The following PRR16 variants were observed in gnomAD, a reference collection of about 807,000 sequenced individuals.
The protein encoded by PRR16 is proline rich 16.
A neutral mutation model predicts 18.2 loss-of-function variants in PRR16; 6 were observed. The observed-to-expected ratio is 0.33, with a 90% CI of 0.18 to 0.65. The LOEUF (loss-of-function observed/expected upper bound fraction) is 0.65, where lower values mean the gene tolerates loss of function less well. PRR16 is among the 30% of genes least tolerant of loss of function. The pLI, the probability that PRR16 is intolerant of heterozygous loss-of-function variation, is 0.74. For missense variants in PRR16, 412 were observed against 376.6 expected, an observed-to-expected ratio of 1.09 and a Z score of -0.78; for synonymous variants, 151 against 147.8, an observed-to-expected ratio of 1.02 and a Z score of -0.16.
At chr5:120,775,796 A>ATTTTTT in the PRR16 span, among the ~76,000 whole-genome samples, 130 of 80,550 alleles carry the variant, frequency 1.6e-3, no homozygotes, top group African/African-American at 4.2e-3. Context: ...ACGCCTGGCT[A>ATTTTTT]TTTTTTTTTT....
At chr5:120,548,470 G>A (rs1279754678) in intron 1 of PRR16, among the ~76,000 whole-genome samples, 1 of 151,962 alleles carries the variant, frequency 6.6e-6, no homozygotes, top group Non-Finnish European at 1.5e-5. Flanking sequence ...TTTCACTACT[G>A]GCTAAGCGTA....
Position 120,613,082 on chromosome 5 carries a change from A to G in PRR16, c.160-72872A>G, listed in dbSNP as rs189015562. Among the ~76,000 whole-genome samples the G allele has an allele frequency of 8.9e-4, 136 of 152,372 alleles. 1 individual carries two copies. The highest frequency in any genetic ancestry group is 3.2e-3 in the African/African-American group (133 of 41,594). On this transcript the variant is annotated intron_variant, in intron 1 of 1. Coordinates refer to ENST00000407149, the MANE Select transcript of PRR16 (RefSeq NM_001300783.2). ...ATTATGAGCAAAGCATACAGTTGGC[A>G]GTTCAGCAGAAATTGAAAAAACTTA... is the stretch of plus-strand genomic sequence containing the variant.
chr5:120,767,298 C>G, the PRR16 span, among the ~76,000 whole-genome samples: 1 of 152,052 alleles, frequency 6.6e-6, no homozygotes, highest in South Asian at 2.1e-4. Context: ...CTTAGTGATG[C>G]CTCAGGGCAC....
In PRR16 at chr5:120,486,238, G is replaced by A. The variant is rs1025810019; in HGVS notation, c.159+21593G>A. Among the ~76,000 whole-genome samples, 17 of 152,170 alleles carry A rather than the reference G, an allele frequency of 1.1e-4. 1 individual carries two copies. Among genetic ancestry groups the A allele is most frequent in the Admixed American group, 2.0e-4 (3 of 15,266 alleles). On this transcript the variant is annotated intron_variant, in intron 1 of 1. Coordinates refer to ENST00000407149, the MANE Select transcript of PRR16 (RefSeq NM_001300783.2). ...AAGAATCGCCACACTGACTTCCACA[G>A]TGGTTGAACTAGTTTACAGTTCCAA...
At chr5:120,603,951 G>A (rs1446494179) in intron 1 of PRR16, among the ~76,000 whole-genome samples, 2 of 151,732 alleles carry the variant, frequency 1.3e-5, no homozygotes, top group African/African-American at 4.8e-5. Context: ...TTGAATGTGT[G>A]GAGAATTGCT....
chr5:120,601,516 G>A (rs1316311922), intron 1 of PRR16, among the ~76,000 whole-genome samples: 1 of 151,974 alleles, frequency 6.6e-6, no homozygotes, highest in Non-Finnish European at 1.5e-5. Context: ...TCTATGCGTT[G>A]ACTGTTTACT....
intron 1 of PRR16, among the ~76,000 whole-genome samples, chr5:120,550,013 G>A (rs1580713781): frequency 1.3e-5 from 2 of 152,134 alleles, no homozygotes; most frequent in South Asian, 2.1e-4. Context: ...AACTTTCCTA[G>A]AAGAAATTGG....
intron 1 of PRR16, among the ~76,000 whole-genome samples, chr5:120,565,228 T>C (rs189899680): frequency 2.0e-4 from 30 of 152,312 alleles, no homozygotes; most frequent in Non-Finnish European, 2.9e-5. Context: ...GATCCACTTA[T>C]ATGCATGTGT....
chr5:120,588,190 A>T (rs1013404840), intron 1 of PRR16, among the ~76,000 whole-genome samples: 7 of 152,224 alleles, frequency 4.6e-5, no homozygotes, highest in African/African-American at 1.7e-4. Context: ...TCTTGAGATG[A>T]TATCTACTTC....
At chr5:120,629,731 T>C (rs1436107012) in intron 1 of PRR16, among the ~76,000 whole-genome samples, 2 of 141,940 alleles carry the variant, frequency 1.4e-5, no homozygotes, top group African/African-American at 2.4e-5. Context: ...GATCAGTTAG[T>C]AGAAGACTCT....
At position 120,513,328 on chromosome 5, in the gene PRR16, C is replaced by G. The variant is rs150717260; in HGVS notation, c.159+48683C>G. ...TCATGTTTGTTCCCTTGCTAACTGC[C>G]TGCCTCAATTCCTCTGTTTATATCC... On this transcript the variant is annotated intron_variant, in intron 1 of 1. Transcript: ENST00000407149. 5.0e-3 allele frequency among the ~76,000 whole-genome samples: 767 copies of G among 152,248 alleles called. 12 individuals carry two copies. The highest frequency in any genetic ancestry group is 0.018 in the African/African-American group (729 of 41,550).
the PRR16 span, among the ~76,000 whole-genome samples, chr5:120,716,874 AAAAAC>A: frequency 7.2e-5 from 11 of 152,058 alleles, no homozygotes; most frequent in South Asian, 6.2e-4. Context: ...TCCATCTCAA[AAAAAC>A]AAAACAAAAT....
At chr5:120,700,418 A>G in the PRR16 span, among the ~76,000 whole-genome samples, 49,183 of 151,522 alleles carry the variant, frequency 0.32, 9,266 homozygotes, top group East Asian at 0.79. Context: ...GAGTAGAGGT[A>G]TCTCATACTT....
intron 1 of PRR16, among the ~76,000 whole-genome samples, chr5:120,583,313 A>ATGTG (rs35255792): frequency 1.2e-3 from 185 of 149,128 alleles, no homozygotes; most frequent in African/African-American, 2.3e-3. Flanking sequence ...ATACAAAATA[A>ATGTG]TGTGTGTGTG....
the PRR16 span, among the ~76,000 whole-genome samples, chr5:120,757,513 T>G: frequency 6.6e-6 from 1 of 151,972 alleles, no homozygotes; most frequent in South Asian, 2.1e-4. Context: ...GGGTGAAAAT[T>G]TGATCTACTG....
the PRR16 span, among the ~76,000 whole-genome samples, chr5:120,728,671 C>T: frequency 2.0e-5 from 3 of 152,164 alleles, no homozygotes; most frequent in Admixed American, 1.3e-4. Flanking sequence ...CAGCGAAATG[C>T]TTCATCTGTC....
chr5:120,729,390 A>G, the PRR16 span, among the ~76,000 whole-genome samples: 1 of 151,758 alleles, frequency 6.6e-6, no homozygotes, highest in East Asian at 1.9e-4. Context: ...ATTTCTTAAT[A>G]TAATTTTGAG....
At chr5:120,749,736 G>T in the PRR16 span, among the ~76,000 whole-genome samples, 1 of 152,084 alleles carries the variant, frequency 6.6e-6, no homozygotes, top group Non-Finnish European at 1.5e-5. Context: ...TAAATAGAAA[G>T]AATTCTGTAT....
At chr5:120,700,762 G>T in the PRR16 span, among the ~76,000 whole-genome samples, 1 of 152,128 alleles carries the variant, frequency 6.6e-6, no homozygotes, top group African/African-American at 2.4e-5. Flanking sequence ...ATTAAGAAGG[G>T]GACGGGCTTG....
Sources: gnomAD v4.1 joint callset for allele counts (sites outside exome capture counted in the v4.1 genomes callset) on GRCh38, gnomAD v4.1.1 for gene constraint, MANE v1.5 for transcripts, NCBI Gene and HGNC (gene_info 2026-07-23, HGNC 2026-07-21) for gene names.